The following CADM2 variants were observed in gnomAD, a reference collection of about 807,000 sequenced individuals.
CADM2 encodes the protein cell adhesion molecule 2, also known as immunoglobulin superfamily member 4D.
In CADM2, 12 loss-of-function variants were observed where a neutral mutation model predicts 49.8. That is an observed-to-expected ratio of 0.24 (90% confidence interval 0.15 to 0.39). The LOEUF is 0.39. CADM2 is among the 10% of genes least tolerant of loss of function. The pLI is 1.00. For synonymous variants in CADM2, 214 were observed against 175.4 expected (o/e 1.22, Z -1.74); for missense variants, 378 against 492.3 (o/e 0.77, Z 2.20).
chr3:85,144,939 T>C lies in CADM2; in HGVS notation c.61+185271T>C, dbSNP rs187266927. Among the ~76,000 whole-genome samples, 412 of 152,332 alleles carry C rather than the reference T, an allele frequency of 2.7e-3. 1 individual carries two copies. Among genetic ancestry groups the C allele is most frequent in the Non-Finnish European group, 4.3e-3 (294 of 68,028 alleles). Reference sequence around the variant, plus strand: ...GAAATTTATCAATACAAGATAGGTGTGTGCAAAGTGAAGTGTCAGATGTAT... The same window carrying C: ...GAAATTTATCAATACAAGATAGGTGCGTGCAAAGTGAAGTGTCAGATGTAT... On this transcript the variant is annotated intron_variant, in intron 1 of 9. Transcript: ENST00000383699.
chr3:85,493,312 A>G (rs1474200761), intron 1 of CADM2, among the ~76,000 whole-genome samples: 1 of 152,028 alleles, frequency 6.6e-6, no homozygotes, highest in Non-Finnish European at 1.5e-5. Context: ...TTATTCCCCA[A>G]TGTGTTCAGG....
chr3:85,794,647 G>C (rs545638781), intron 2 of CADM2, among the ~76,000 whole-genome samples: 1 of 152,158 alleles, frequency 6.6e-6, no homozygotes, highest in African/African-American at 2.4e-5. Context: ...CTGAAATCTA[G>C]GATGGTGGTG....
intron 1 of CADM2, among the ~76,000 whole-genome samples, chr3:85,637,860 C>CA (rs1553753458): frequency 6.6e-6 from 1 of 151,956 alleles, no homozygotes; most frequent in Non-Finnish European, 1.5e-5. Flanking sequence ...AAATTTATCA[C>CA]AAAAATTTAG....
chr3:86,060,018 A>G (rs1738428035), intron 8 of CADM2, among the ~76,000 whole-genome samples: 1 of 152,162 alleles, frequency 6.6e-6, no homozygotes. Context: ...TACTTTGTCA[A>G]TGAAATGAAA....
At chr3:85,769,594 A>G (rs1441010546) in intron 2 of CADM2, among the ~76,000 whole-genome samples, 1 of 99,326 alleles carries the variant, frequency 1.0e-5, no homozygotes, top group Non-Finnish European at 2.0e-5. Flanking sequence ...TATATAGTAT[A>G]TACACATATA....
intron 3 of CADM2, among the ~76,000 whole-genome samples, chr3:85,876,358 G>T (rs2108368266): frequency 6.6e-6 from 1 of 152,060 alleles, no homozygotes. Context: ...TACAGTTATA[G>T]AATATTATAT....
In CADM2 at chr3:85,724,470, C is replaced by CA. The variant is rs567994941; in HGVS notation, c.62-2042dup. ...ATGCATGTTGCAAAACTGTTGTTAG[C>CA]AAAAAAAAAACAGAATACAGCAAGA... On this transcript the variant is annotated intron_variant, in intron 1 of 9. Coordinates refer to ENST00000383699, the MANE Select transcript of CADM2 (RefSeq NM_001167675.2). Among the ~76,000 whole-genome samples, 1,408 of 143,552 alleles carry CA rather than the reference C, an allele frequency of 9.8e-3. 18 individuals carry two copies. The highest frequency in any genetic ancestry group is 0.035 in the South Asian group (159 of 4,588). The allele number at this position is 143,552 out of a possible 152,430, so 94.2% of individuals were successfully genotyped here.
chr3:85,296,321 T>G (rs1236701571), intron 1 of CADM2, among the ~76,000 whole-genome samples: 2 of 152,070 alleles, frequency 1.3e-5, no homozygotes, highest in Non-Finnish European at 2.9e-5. Context: ...TACATATGAT[T>G]TGTAGGCAAT....
At chr3:85,246,522 C>G (rs2042650915) in intron 1 of CADM2, among the ~76,000 whole-genome samples, 2 of 151,674 alleles carry the variant, frequency 1.3e-5, no homozygotes, top group Non-Finnish European at 2.9e-5. Context: ...TTATTAATAC[C>G]AAATGGCACA....
intron 3 of CADM2, among the ~76,000 whole-genome samples, chr3:85,853,852 A>G (rs1258693948): frequency 6.6e-6 from 1 of 152,172 alleles, no homozygotes; most frequent in Non-Finnish European, 1.5e-5. Context: ...AAGGCAGAAT[A>G]GAATTTTCTG....
At chr3:85,738,510 A>G (rs969715669) in intron 2 of CADM2, among the ~76,000 whole-genome samples, 1 of 152,250 alleles carries the variant, frequency 6.6e-6, no homozygotes, top group African/African-American at 2.4e-5. Flanking sequence ...GTTATTTAAC[A>G]CATCTGGCAC....
intron 1 of CADM2, among the ~76,000 whole-genome samples, chr3:85,349,232 C>T (rs1277048589): frequency 1.3e-5 from 2 of 152,140 alleles, no homozygotes; most frequent in Non-Finnish European, 2.9e-5. Flanking sequence ...TAAGGTTTAA[C>T]GTTCAGAGGT....
At chr3:85,743,575 G>T (rs1022330928) in intron 2 of CADM2, among the ~76,000 whole-genome samples, 2 of 152,080 alleles carry the variant, frequency 1.3e-5, no homozygotes, top group South Asian at 4.1e-4. Flanking sequence ...CTCCTAACCA[G>T]CCTGGGGCTA....
At chr3:85,927,992 C>T (rs1239947024) in intron 6 of CADM2, among the ~76,000 whole-genome samples, 1 of 152,098 alleles carries the variant, frequency 6.6e-6, no homozygotes, top group African/African-American at 2.4e-5. Flanking sequence ...ATAGAAGCTT[C>T]ATCACAGGTC....
At chr3:85,274,214 A>T (rs1158194115) in intron 1 of CADM2, among the ~76,000 whole-genome samples, 2 of 151,138 alleles carry the variant, frequency 1.3e-5, no homozygotes, top group Non-Finnish European at 3.0e-5. Flanking sequence ...AGGAGTTTTG[A>T]TGAGAAAGTT....
chr3:85,409,869 A>T (rs2035577788), intron 1 of CADM2, among the ~76,000 whole-genome samples: 1 of 152,152 alleles, frequency 6.6e-6, no homozygotes, highest in Admixed American at 6.6e-5. Flanking sequence ...TCAGGAAAAA[A>T]ACTCAAAATC....
chr3:85,217,252 G>A (rs2041947902), intron 1 of CADM2, among the ~76,000 whole-genome samples: 1 of 151,534 alleles, frequency 6.6e-6, no homozygotes, highest in Non-Finnish European at 1.5e-5. Flanking sequence ...TTTAAAATAA[G>A]CATTTACTGA....
intron 1 of CADM2, among the ~76,000 whole-genome samples, chr3:85,330,610 G>C (rs767476757): frequency 6.6e-6 from 1 of 151,856 alleles, no homozygotes; most frequent in African/African-American, 2.4e-5. Context: ...TTTTTCATAG[G>C]CAATGTCTTT....
At position 85,119,068 on chromosome 3, in the gene CADM2, A is replaced by G. The variant is rs2038751276; in HGVS notation, c.61+159400A>G. 2.0e-5 allele frequency among the ~76,000 whole-genome samples: 3 copies of G among 152,164 alleles called. No individual in the cohort carries two copies. In the South Asian group the frequency reaches 6.2e-4, roughly 31 times the overall value. The stretch of plus-strand genomic sequence containing the variant: ...CCAGCCTGTCCATTTATTTTTACAA[A>G]TGAAAAGAATCTCCTTATGCTCTAG... On this transcript the variant is annotated intron_variant, in intron 1 of 9. Transcript: ENST00000383699.
Sources: gnomAD v4.1 joint callset for allele counts (sites outside exome capture counted in the v4.1 genomes callset) on GRCh38, gnomAD v4.1.1 for gene constraint, MANE v1.5 for transcripts, NCBI Gene and HGNC (gene_info 2026-07-23, HGNC 2026-07-21) for gene names.